EYS: variants seen among roughly 807,000 people sequenced by gnomAD.
EYS encodes the protein protein eyes shut homolog.
A neutral mutation model predicts 282.1 loss-of-function variants in EYS; 250 were observed. The observed-to-expected ratio is 0.89, with a 90% CI of 0.80 to 0.98. EYS has a LOEUF of 0.98. Ranked by LOEUF, EYS falls within the 50% of genes least tolerant of loss-of-function variation. EYS has a pLI of 0.00. For synonymous variants in EYS, 1,355 were observed against 1,282.9 expected (o/e 1.06, Z -1.20); for missense variants, 4,016 against 3,709.0 (o/e 1.08, Z -2.15).
At chr6:64,442,827 T>C (rs916201617) in intron 26 of EYS, among the ~76,000 whole-genome samples, 1 of 139,296 alleles carries the variant, frequency 7.2e-6, no homozygotes, top group African/African-American at 2.6e-5. Flanking sequence ...TATGGAAACA[T>C]CTGGATGCCC....
At chr6:65,029,133 C>A (rs547876756) in intron 13 of EYS, among the ~76,000 whole-genome samples, 1 of 151,850 alleles carries the variant, frequency 6.6e-6, no homozygotes, top group South Asian at 2.1e-4. Context: ...CTTTATAATG[C>A]AAAAAAGATA....
At position 63,958,406 on chromosome 6, in the gene EYS, C is replaced by T. The variant is rs548743263; in HGVS notation, c.7055+25977G>A. Reference sequence around the variant, plus strand: ...GAGGAGGAAGGAGGCCTATGTTACACGAGGTTTGCTATGGTTTGAATGTTT... The same window carrying T: ...GAGGAGGAAGGAGGCCTATGTTACATGAGGTTTGCTATGGTTTGAATGTTT... On this transcript the variant is annotated intron_variant, in intron 35 of 42. Coordinates refer to ENST00000503581, the MANE Select transcript of EYS (RefSeq NM_001142800.2). Among the ~76,000 whole-genome samples, 16 of 151,100 alleles carry T rather than the reference C, an allele frequency of 1.1e-4. 2 individuals are homozygous for T. The highest frequency in any genetic ancestry group is 4.2e-4 in the South Asian group (2 of 4,738).
At chr6:65,575,550 A>T (rs1582474336) in intron 2 of EYS, among the ~76,000 whole-genome samples, 1 of 151,824 alleles carries the variant, frequency 6.6e-6, no homozygotes, top group African/African-American at 2.4e-5. Flanking sequence ...GAAAAAGAAC[A>T]ATATAAACCC....
intron 12 of EYS, among the ~76,000 whole-genome samples, chr6:65,156,644 A>G (rs1764736578): frequency 6.6e-6 from 1 of 151,196 alleles, no homozygotes; most frequent in Non-Finnish European, 1.5e-5. Context: ...CTCAGTCATT[A>G]GGACTGTGAC....
intron 26 of EYS, among the ~76,000 whole-genome samples, chr6:64,576,581 A>G (rs1230711127): frequency 6.6e-6 from 1 of 152,120 alleles, no homozygotes; most frequent in Non-Finnish European, 1.5e-5. Context: ...ACTGAAGAAT[A>G]TCAACACATC....
chr6:65,142,052 A>T (rs1370063920), intron 12 of EYS, among the ~76,000 whole-genome samples: 3 of 152,064 alleles, frequency 2.0e-5, no homozygotes, highest in African/African-American at 4.8e-5. Context: ...TACAGTCCTC[A>T]TGTTGTACAT....
chr6:65,025,947 T>A (rs1772396001), intron 13 of EYS, among the ~76,000 whole-genome samples: 3 of 152,278 alleles, frequency 2.0e-5, no homozygotes, highest in South Asian at 4.1e-4. Context: ...AGAGCTTATT[T>A]TAAAACTCAG....
intron 15 of EYS, among the ~76,000 whole-genome samples, chr6:64,922,560 T>C (rs1768381041): frequency 6.6e-6 from 1 of 152,154 alleles, no homozygotes; most frequent in South Asian, 2.1e-4. Flanking sequence ...AGACTCAGGA[T>C]ATATATTAGT....
At chr6:64,802,784 A>G (rs1322418336) in intron 22 of EYS, among the ~76,000 whole-genome samples, 1 of 152,202 alleles carries the variant, frequency 6.6e-6, no homozygotes, top group East Asian at 1.9e-4. Flanking sequence ...ATGTAAAAAG[A>G]TTTTATGTAT....
At chr6:65,535,595 T>G (rs1157269272) in intron 2 of EYS, among the ~76,000 whole-genome samples, 2 of 152,146 alleles carry the variant, frequency 1.3e-5, no homozygotes. Flanking sequence ...ATTAGTAGCA[T>G]GAGAACAGAC....
intron 14 of EYS, among the ~76,000 whole-genome samples, chr6:64,947,136 T>C (rs1240073934): frequency 6.6e-6 from 1 of 151,884 alleles, no homozygotes; most frequent in Non-Finnish European, 1.5e-5. Context: ...TAGCACCCTA[T>C]GTTTAATTAA....
chr6:65,383,942 T>C (rs759584377), intron 8 of EYS, among the ~76,000 whole-genome samples: 3 of 151,858 alleles, frequency 2.0e-5, no homozygotes, highest in Non-Finnish European at 2.9e-5. Context: ...CAAGTAACAT[T>C]GCTAGGTTGT....
At chr6:65,336,853 A>G (rs1271863652) in intron 10 of EYS, among the ~76,000 whole-genome samples, 2 of 151,578 alleles carry the variant, frequency 1.3e-5, no homozygotes, top group African/African-American at 4.8e-5. Flanking sequence ...GTAAACTGTC[A>G]GAAGAGAAAT....
intron 14 of EYS, among the ~76,000 whole-genome samples, chr6:64,967,347 CAG>C (rs1309422193): frequency 2.7e-5 from 4 of 147,948 alleles, no homozygotes; most frequent in African/African-American, 1.0e-4. Context: ...TTTTTTAAGA[CAG>C]AGTCTCACTC....
intron 5 of EYS, among the ~76,000 whole-genome samples, chr6:65,411,519 AT>A (rs1222854810): frequency 6.6e-6 from 1 of 152,048 alleles, no homozygotes; most frequent in Admixed American, 6.6e-5. Flanking sequence ...GTATAGTTCT[AT>A]GTCATTTCAT....
intron 22 of EYS, among the ~76,000 whole-genome samples, chr6:64,719,435 T>A (rs1401302950): frequency 6.6e-6 from 1 of 152,152 alleles, no homozygotes; most frequent in Admixed American, 6.6e-5. Flanking sequence ...TTGGGAAAAA[T>A]ATCATTTTAA....
chr6:65,266,379 C>A (rs1382774824), intron 12 of EYS, among the ~76,000 whole-genome samples: 1 of 151,800 alleles, frequency 6.6e-6, no homozygotes, highest in African/African-American at 2.4e-5. Flanking sequence ...GACTATAAAT[C>A]TATGAAGGCG....
intron 12 of EYS, among the ~76,000 whole-genome samples, chr6:65,065,443 C>T (rs1019302324): frequency 6.6e-4 from 99 of 149,364 alleles, no homozygotes; most frequent in African/African-American, 2.2e-3. Flanking sequence ...AGTGCAGTGG[C>T]GCGATCTCTG....
chr6:64,213,246 T>C (rs1765833775), intron 31 of EYS, among the ~76,000 whole-genome samples: 1 of 151,646 alleles, frequency 6.6e-6, no homozygotes, highest in Admixed American at 6.6e-5. Context: ...TCAACATAAG[T>C]TTTGAAGGGG....
Sources: allele counts gnomAD v4.1 joint callset (sites outside exome capture counted in the v4.1 genomes callset), GRCh38; gene constraint gnomAD v4.1.1; transcripts MANE v1.5; gene names NCBI Gene and HGNC (gene_info 2026-07-23, HGNC 2026-07-21).